SH3RF1: variants seen among roughly 807,000 people sequenced by gnomAD.
The protein encoded by SH3RF1 is E3 ubiquitin-protein ligase SH3RF1.
Under a neutral mutation model 74.0 loss-of-function variants are expected in SH3RF1, and 32 were observed. The ratio of observed to expected loss-of-function variants is 0.43; its 90% confidence interval spans 0.33 to 0.58. The LOEUF (loss-of-function observed/expected upper bound fraction) is 0.58, where lower values mean the gene tolerates loss of function less well. SH3RF1 is among the 20% of genes least tolerant of loss of function. SH3RF1 has a pLI of 0.05. For missense variants in SH3RF1, 954 were observed against 1,130.9 expected (o/e 0.84, Z 2.24); for synonymous variants, 396 against 439.6 (o/e 0.90, Z 1.24).
At chr4:169,204,952 G>T (rs915493904) in intron 2 of SH3RF1, among the ~76,000 whole-genome samples, 1 of 152,132 alleles carries the variant, frequency 6.6e-6, no homozygotes, top group Non-Finnish European at 1.5e-5. Context: ...TTTTAAAAAG[G>T]CTTCACGAGA....
At chr4:169,106,083 T>C (rs989529096) in intron 11 of SH3RF1, among the ~76,000 whole-genome samples, 3 of 151,710 alleles carry the variant, frequency 2.0e-5, no homozygotes, top group Non-Finnish European at 2.9e-5. Flanking sequence ...TTTAACAGTA[T>C]ATATGTGTGT....
At chr4:169,158,599 T>C (rs530416069) in intron 2 of SH3RF1, among the ~76,000 whole-genome samples, 1 of 152,290 alleles carries the variant, frequency 6.6e-6, no homozygotes, top group South Asian at 2.1e-4. Flanking sequence ...GGCAGTAGTG[T>C]GGAAAATGGA....
At chr4:169,176,349 C>T (rs549512340) in intron 2 of SH3RF1, among the ~76,000 whole-genome samples, 3 of 152,252 alleles carry the variant, frequency 2.0e-5, no homozygotes, top group Admixed American at 1.3e-4. Context: ...AATGACGGTA[C>T]ATTAGGGCAT....
chr4:169,126,577 A>C (rs980923147), intron 6 of SH3RF1, among the ~76,000 whole-genome samples: 3 of 152,064 alleles, frequency 2.0e-5, no homozygotes, highest in African/African-American at 7.2e-5. Flanking sequence ...TATGTGTATA[A>C]AATTTTTATT....
chr4:169,120,843 C>T lies in SH3RF1; in HGVS notation c.1493G>A (p.Gly498Asp). The T allele has an allele frequency of 6.2e-7, 1 of 1,614,146 alleles. No individual in the cohort carries two copies. The highest frequency in any genetic ancestry group is 8.5e-7 in the Non-Finnish European group (1 of 1,180,030). The stretch of plus-strand genomic sequence containing the variant: ...CCTTGTGACTGGTGCCACATAATTG[C>T]CAGGGAAAACCCCTATCTTGCTGGT... ...MHTSKIGVFP[G>D]NYVAPVTRAV... Residue 498 changes from glycine (G) to aspartate (D), a missense_variant, in exon 8 of 12, where the codon GGC becomes GAC. Transcript: ENST00000284637.
intron 2 of SH3RF1, among the ~76,000 whole-genome samples, chr4:169,180,880 A>G (rs1488132791): frequency 6.6e-6 from 1 of 152,206 alleles, no homozygotes; most frequent in Non-Finnish European, 1.5e-5. Flanking sequence ...ATATTGTTAA[A>G]TATCCTTAGA....
At chr4:169,236,087 C>T (rs914086687) in intron 2 of SH3RF1, among the ~76,000 whole-genome samples, 4 of 152,222 alleles carry the variant, frequency 2.6e-5, no homozygotes, top group African/African-American at 4.8e-5. Context: ...CAGTTCTAGC[C>T]ACTGGCACAG....
intron 2 of SH3RF1, among the ~76,000 whole-genome samples, chr4:169,230,474 TTTTCA>T (rs1241756279): frequency 2.0e-5 from 3 of 152,182 alleles, no homozygotes; most frequent in Non-Finnish European, 4.4e-5. Flanking sequence ...TTTCCTTTAG[TTTTCA>T]TTTGTTTTTC....
intron 6 of SH3RF1, among the ~76,000 whole-genome samples, chr4:169,124,721 T>A (rs183330254): frequency 7.9e-4 from 121 of 152,362 alleles, no homozygotes; most frequent in African/African-American, 2.9e-3. Context: ...ATGATAGGGT[T>A]CTGGTGACTC....
rs552717437 is a variant in SH3RF1 at position 169,140,745 on chromosome 4, T to A, written c.766-4125A>T. 1.2e-4 allele frequency among the ~76,000 whole-genome samples: 19 copies of A among 152,168 alleles called. No homozygotes were observed. The South Asian group carries it at 3.1e-3, about 25-fold the overall frequency. ...CTTACAATATTTTAAAGAGAAAAAA[T>A]TTTTTAATAAGAACTAAGTTGAATA... On this transcript the variant is annotated intron_variant, in intron 4 of 11. Transcript: ENST00000284637.
chr4:169,187,201 T>C (rs914971779), intron 2 of SH3RF1, among the ~76,000 whole-genome samples: 1 of 152,140 alleles, frequency 6.6e-6, no homozygotes, highest in Non-Finnish European at 1.5e-5. Flanking sequence ...TATATGTATG[T>C]ATGTGCTGAC....
At chr4:169,116,704 T>A in intron 9 of SH3RF1, 74 bp from the exon 10 acceptor site, 1 of 1,476,960 alleles carries the variant, frequency 6.8e-7, no homozygotes, top group Admixed American at 2.3e-5. Flanking sequence ...CATGAGTCAT[T>A]TCACTGCATC....
chr4:169,210,569 TTTC>T lies in SH3RF1; in HGVS notation c.394-53893_394-53891del, dbSNP rs1241446556. On this transcript the variant is annotated intron_variant, in intron 2 of 11. Transcript: ENST00000284637. ...TATGTAAATTATGTATGCAAAATATTTTCTTTTCATAATAACATGTTAAATTAA... is the reference window on the plus strand; with the variant it reads ...TATGTAAATTATGTATGCAAAATATTTTTTCATAATAACATGTTAAATTAA... 2.3e-4 allele frequency among the ~76,000 whole-genome samples: 35 copies of T among 152,354 alleles called. 1 individual carries two copies. Among genetic ancestry groups the T allele is most frequent in the Admixed American group, 2.1e-3 (32 of 15,302 alleles).
At chr4:169,149,643 A>G (rs1201327594) in intron 4 of SH3RF1, among the ~76,000 whole-genome samples, 1 of 152,204 alleles carries the variant, frequency 6.6e-6, no homozygotes, top group Non-Finnish European at 1.5e-5. Context: ...ATGCTAAGCA[A>G]CACAGTAATT....
intron 2 of SH3RF1, among the ~76,000 whole-genome samples, chr4:169,244,917 T>G (rs1417915248): frequency 6.6e-6 from 1 of 152,174 alleles, no homozygotes; most frequent in African/African-American, 2.4e-5. Context: ...CAAGTCCAGT[T>G]TTTAGAAAAG....
At chr4:169,256,181 T>A (rs1017938318) in intron 2 of SH3RF1, among the ~76,000 whole-genome samples, 71 of 152,142 alleles carry the variant, frequency 4.7e-4, no homozygotes, top group African/African-American at 1.6e-3. Flanking sequence ...TAAATTGAAT[T>A]TTTTTAAAAT....
chr4:169,254,364 A>G (rs1731150543), intron 2 of SH3RF1, among the ~76,000 whole-genome samples: 1 of 152,360 alleles, frequency 6.6e-6, no homozygotes, highest in South Asian at 2.1e-4. Flanking sequence ...TTAATTAGAG[A>G]ACAATACCAA....
rs373399323 is a variant in SH3RF1 at position 169,264,035 on chromosome 4, T to C, written c.393+4785A>G. ...TCTGGGGAAACCAGGACTGAAGGGA[T>C]TGGCAGTGGACCGAGAGGCCACTCA... On this transcript the variant is annotated intron_variant, in intron 2 of 11. Coordinates refer to ENST00000284637, the MANE Select transcript of SH3RF1 (RefSeq NM_020870.4). 3.3e-5 allele frequency among the ~76,000 whole-genome samples: 5 copies of C among 152,144 alleles called. No individual in the cohort carries two copies. In the East Asian group the frequency reaches 7.7e-4, roughly 23 times the overall value.
rs57940577 is a variant in SH3RF1 at position 169,150,730 on chromosome 4, G to A, written c.765+4750C>T. ...CTGCAGTACGCCATTTTATGTGAGGGACTTGAGCATCCGCAGATTTGGAAA... is the reference window on the plus strand; with the variant it reads ...CTGCAGTACGCCATTTTATGTGAGGAACTTGAGCATCCGCAGATTTGGAAA... On this transcript the variant is annotated intron_variant, in intron 4 of 11. Transcript: ENST00000284637. 5.1e-3 allele frequency among the ~76,000 whole-genome samples: 784 copies of A among 152,266 alleles called. 7 individuals are homozygous for A. Among genetic ancestry groups the A allele is most frequent in the African/African-American group, 0.017 (723 of 41,548 alleles).
Sources: allele counts gnomAD v4.1 joint callset (sites outside exome capture counted in the v4.1 genomes callset), GRCh38; gene constraint gnomAD v4.1.1; transcripts MANE v1.5; gene names NCBI Gene and HGNC (gene_info 2026-07-23, HGNC 2026-07-21).